The following PDZRN4 variants were observed in gnomAD, a reference collection of about 807,000 sequenced individuals.
PDZRN4 encodes the protein PDZ domain containing ring finger 4, also known as PDZ domain-containing RING finger protein 4.
A neutral mutation model predicts 99.0 loss-of-function variants in PDZRN4; 70 were observed. That is an observed-to-expected ratio of 0.71 (90% confidence interval 0.58 to 0.86). The LOEUF is 0.86. Among genes scored for constraint, PDZRN4 ranks in the 40% least tolerant of loss-of-function variants. PDZRN4 has a pLI of 0.00. For missense variants in PDZRN4, 1,474 were observed against 1,331.2 expected, an observed-to-expected ratio of 1.11 and a Z score of -1.67; for synonymous variants, 551 against 501.6, an observed-to-expected ratio of 1.10 and a Z score of -1.32.
intron 8 of PDZRN4, 29 bp downstream of exon 8, chr12:41,563,678 C>T (rs1939312990): frequency 7.0e-7 from 1 of 1,430,562 alleles, no homozygotes; most frequent in African/African-American, 1.4e-5. Context: ...AGCCTTGAGA[C>T]TGAACTTTAT....
intron 3 of PDZRN4, among the ~76,000 whole-genome samples, chr12:41,339,126 C>A (rs1203104117): frequency 1.7e-4 from 24 of 143,538 alleles, no homozygotes; most frequent in African/African-American, 1.5e-4. Flanking sequence ...TCATTCCGAG[C>A]AAAAAAAAAA....
chr12:41,510,832 T>C (rs1418371977), intron 5 of PDZRN4, among the ~76,000 whole-genome samples: 2 of 152,082 alleles, frequency 1.3e-5, no homozygotes, highest in Admixed American at 6.6e-5. Flanking sequence ...CCCACAAAAG[T>C]CATTCCTGGG....
chr12:41,197,594 A>G (rs918375665), intron 3 of PDZRN4, among the ~76,000 whole-genome samples: 1 of 152,228 alleles, frequency 6.6e-6, no homozygotes, highest in African/African-American at 2.4e-5. Flanking sequence ...TGGAGACTGA[A>G]AAGGCAGAAG....
At chr12:41,196,957 G>A (rs1301885525) in intron 3 of PDZRN4, among the ~76,000 whole-genome samples, 4 of 151,734 alleles carry the variant, frequency 2.6e-5, no homozygotes, top group African/African-American at 9.7e-5. Flanking sequence ...CAGTGTAAAG[G>A]GTACAAACTA....
intron 3 of PDZRN4, among the ~76,000 whole-genome samples, chr12:41,256,997 T>C (rs1951208324): frequency 6.6e-6 from 1 of 152,178 alleles, no homozygotes; most frequent in Non-Finnish European, 1.5e-5. Context: ...CTCACTTTCC[T>C]CCACATTCTT....
intron 3 of PDZRN4, among the ~76,000 whole-genome samples, chr12:41,303,678 G>A (rs974106324): frequency 6.6e-6 from 1 of 152,102 alleles, no homozygotes; most frequent in Non-Finnish European, 1.5e-5. Context: ...GTCAGTATTC[G>A]AGCATGTGAT....
chr12:41,519,959 A>ATGTGGG (rs1336473442), intron 5 of PDZRN4, among the ~76,000 whole-genome samples: 3 of 151,982 alleles, frequency 2.0e-5, no homozygotes, highest in Admixed American at 6.6e-5. Flanking sequence ...ACCTCCCACT[A>ATGTGGG]ATCCAAGTGT....
chr12:41,253,171 G>C (rs779140782), intron 3 of PDZRN4, among the ~76,000 whole-genome samples: 1 of 152,104 alleles, frequency 6.6e-6, no homozygotes, highest in Non-Finnish European at 1.5e-5. Flanking sequence ...TTTTTAACTT[G>C]ATGTCATCCC....
At chr12:41,217,699 T>C (rs184947941) in intron 3 of PDZRN4, among the ~76,000 whole-genome samples, 8 of 152,134 alleles carry the variant, frequency 5.3e-5, no homozygotes, top group African/African-American at 1.7e-4. Context: ...CACAGCCTCC[T>C]CTCCTTCTTC....
At chr12:41,232,585 T>G (rs1951035744) in intron 3 of PDZRN4, among the ~76,000 whole-genome samples, 1 of 152,090 alleles carries the variant, frequency 6.6e-6, no homozygotes, top group African/African-American at 2.4e-5. Flanking sequence ...CTTTGTCAGA[T>G]GAGTAGGTTG....
At chr12:41,207,653 T>C (rs1036109016) in intron 3 of PDZRN4, among the ~76,000 whole-genome samples, 7 of 151,826 alleles carry the variant, frequency 4.6e-5, no homozygotes, top group Non-Finnish European at 7.4e-5. Context: ...GGCTATAAAA[T>C]AGCTAACATT....
chr12:41,463,741 C>T (rs1268002633), intron 3 of PDZRN4, among the ~76,000 whole-genome samples: 3 of 152,178 alleles, frequency 2.0e-5, no homozygotes, highest in African/African-American at 4.8e-5. Context: ...AGGTTACTCA[C>T]ACCCACTTTG....
chr12:41,508,152 G>A (rs1938240293), intron 4 of PDZRN4, among the ~76,000 whole-genome samples: 2 of 152,080 alleles, frequency 1.3e-5, no homozygotes, highest in Admixed American at 6.6e-5. Context: ...TCTAAGATGA[G>A]GGAACAGATA....
chr12:41,540,146 A>G (rs1565609682), intron 5 of PDZRN4, among the ~76,000 whole-genome samples: 1 of 152,328 alleles, frequency 6.6e-6, no homozygotes, highest in African/African-American at 2.4e-5. Flanking sequence ...TGGAAATCAT[A>G]CATCAATTCA....
chr12:41,354,911 G>A (rs551554613), intron 3 of PDZRN4, among the ~76,000 whole-genome samples: 4 of 152,080 alleles, frequency 2.6e-5, no homozygotes, highest in African/African-American at 7.2e-5. Context: ...AAAGATAACC[G>A]AAGAATTCAA....
intron 3 of PDZRN4, among the ~76,000 whole-genome samples, chr12:41,364,374 T>C (rs1050670098): frequency 6.6e-6 from 1 of 152,062 alleles, no homozygotes; most frequent in Non-Finnish European, 1.5e-5. Context: ...TTGCTGACAA[T>C]GAAGGTTGTA....
At chr12:41,533,740 G>A (rs2120746804) in intron 5 of PDZRN4, among the ~76,000 whole-genome samples, 1 of 152,160 alleles carries the variant, frequency 6.6e-6, no homozygotes, top group South Asian at 2.1e-4. Flanking sequence ...GGTGGTTCTT[G>A]TCCACATTTC....
At chr12:41,440,913 T>C (rs1460438687) in intron 3 of PDZRN4, among the ~76,000 whole-genome samples, 1 of 152,162 alleles carries the variant, frequency 6.6e-6, no homozygotes, top group Non-Finnish European at 1.5e-5. Context: ...CTTATTAATT[T>C]GATTAAATAC....
intron 7 of PDZRN4, among the ~76,000 whole-genome samples, chr12:41,557,148 CAA>C (rs112787721): frequency 8.6e-5 from 5 of 58,032 alleles, no homozygotes; most frequent in Non-Finnish European, 9.2e-5. Flanking sequence ...GAGACACTCT[CAA>C]AAAAAAAAAA....
Sources: allele counts gnomAD v4.1 joint callset (sites outside exome capture counted in the v4.1 genomes callset), GRCh38; gene constraint gnomAD v4.1.1; transcripts MANE v1.5; gene names NCBI Gene and HGNC (gene_info 2026-07-23, HGNC 2026-07-21).